DGKI: variants seen among roughly 807,000 people sequenced by gnomAD.
DGKI encodes DAG kinase iota.
DGKI carries 55 observed loss-of-function variants against 147.5 expected under a neutral mutation model. The observed-to-expected ratio is 0.37, with a 90% confidence interval of 0.30 to 0.47. The LOEUF is 0.47. Ranked by LOEUF, DGKI falls within the 20% of genes least tolerant of loss-of-function variation. The pLI, the probability that DGKI is intolerant of heterozygous loss-of-function variation, is 1.00. For synonymous variants in DGKI, 469 were observed against 477.1 expected (o/e 0.98, Z 0.22); for missense variants, 1,007 against 1,323.8 (o/e 0.76, Z 3.71).
At chr7:137,790,856 A>T (rs755428985) in intron 1 of DGKI, among the ~76,000 whole-genome samples, 11 of 152,240 alleles carry the variant, frequency 7.2e-5, no homozygotes, top group Non-Finnish European at 1.6e-4. Context: ...CTACAGAATA[A>T]GAATTCAATT....
At chr7:137,514,790 A>G (rs761790697) in intron 21 of DGKI, among the ~76,000 whole-genome samples, 1 of 152,064 alleles carries the variant, frequency 6.6e-6, no homozygotes, top group African/African-American at 2.4e-5. Context: ...TCTCATTCCT[A>G]TTGCCTGTCA....
chr7:137,438,026 C>T (rs967946528), intron 28 of DGKI, among the ~76,000 whole-genome samples: 1 of 151,916 alleles, frequency 6.6e-6, no homozygotes, highest in Non-Finnish European at 1.5e-5. Context: ...TGAAAGATTT[C>T]TTTAAAAAAT....
chr7:137,427,332 A>T (rs1025222114), intron 28 of DGKI, among the ~76,000 whole-genome samples: 6 of 152,220 alleles, frequency 3.9e-5, no homozygotes, highest in Non-Finnish European at 7.3e-5. Flanking sequence ...GGCAGAAATA[A>T]AGATGTTCTA....
At chr7:137,823,034 G>T (rs1419203673) in intron 1 of DGKI, among the ~76,000 whole-genome samples, 1 of 151,384 alleles carries the variant, frequency 6.6e-6, no homozygotes, top group African/African-American at 2.4e-5. Context: ...GGTAAATTGG[G>T]GAGGAGGAAA....
At chr7:137,647,154 T>TA (rs1183157381) in intron 5 of DGKI, among the ~76,000 whole-genome samples, 2 of 152,212 alleles carry the variant, frequency 1.3e-5, no homozygotes, top group African/African-American at 4.8e-5. Flanking sequence ...CCATGCGCTT[T>TA]AAAAAATATT....
intron 23 of DGKI, among the ~76,000 whole-genome samples, chr7:137,472,358 A>AT (rs1814990492): frequency 8.4e-6 from 1 of 119,156 alleles, no homozygotes; most frequent in Non-Finnish European, 1.6e-5. Context: ...TTATATGTAT[A>AT]TATACATATA....
At chr7:137,458,019 G>T (rs1814273769) in intron 27 of DGKI, among the ~76,000 whole-genome samples, 1 of 151,784 alleles carries the variant, frequency 6.6e-6, no homozygotes, top group South Asian at 2.1e-4. Flanking sequence ...TTTAATAATT[G>T]GTTTAATATT....
At chr7:137,500,372 AG>A (rs2128942101) in intron 21 of DGKI, among the ~76,000 whole-genome samples, 1 of 152,286 alleles carries the variant, frequency 6.6e-6, no homozygotes, top group East Asian at 1.9e-4. Context: ...AAATGCCCAC[AG>A]GTCACACTAA....
intron 21 of DGKI, among the ~76,000 whole-genome samples, chr7:137,517,278 A>AG (rs1585190586): frequency 2.9e-4 from 27 of 94,286 alleles, no homozygotes; most frequent in East Asian, 5.5e-4. Flanking sequence ...GAAAGAAAAG[A>AG]AAAAGAAAGA....
At chr7:137,411,382 C>A (rs990401778) in intron 29 of DGKI, among the ~76,000 whole-genome samples, 2 of 152,306 alleles carry the variant, frequency 1.3e-5, no homozygotes, top group Non-Finnish European at 2.9e-5. Context: ...CACAGATCTA[C>A]ACTATCAGAA....
At chr7:137,420,798 C>T (rs1328446288) in intron 28 of DGKI, among the ~76,000 whole-genome samples, 1 of 152,138 alleles carries the variant, frequency 6.6e-6, no homozygotes, top group Non-Finnish European at 1.5e-5. Flanking sequence ...GCAGGTGAAT[C>T]ACCTGAGGTC....
chr7:137,478,509 T>C (rs2128932544), intron 23 of DGKI, among the ~76,000 whole-genome samples: 1 of 152,312 alleles, frequency 6.6e-6, no homozygotes, highest in South Asian at 2.1e-4. Flanking sequence ...TTTCTCTAAT[T>C]AGTGTTTAAA....
chr7:137,423,860 A>T (rs1367849069), intron 28 of DGKI, among the ~76,000 whole-genome samples: 3 of 152,178 alleles, frequency 2.0e-5, no homozygotes, highest in Non-Finnish European at 4.4e-5. Flanking sequence ...GATTATTTGC[A>T]TTATTTATTT....
intron 1 of DGKI, among the ~76,000 whole-genome samples, chr7:137,695,169 G>C (rs1563154419): frequency 6.6e-6 from 1 of 152,216 alleles, no homozygotes; most frequent in Non-Finnish European, 1.5e-5. Flanking sequence ...GTTTAAGAAT[G>C]AGTCCATTCA....
chr7:137,456,663 A>G (rs936975004), intron 27 of DGKI, among the ~76,000 whole-genome samples: 15 of 152,234 alleles, frequency 9.9e-5, no homozygotes, highest in Admixed American at 5.2e-4. Flanking sequence ...ATGTAAAAAG[A>G]GAGCCACTTA....
At chr7:137,564,052 T>C (rs1200654738) in intron 19 of DGKI, among the ~76,000 whole-genome samples, 5 of 152,126 alleles carry the variant, frequency 3.3e-5, no homozygotes, top group Admixed American at 3.3e-4. Flanking sequence ...CAGTGTGGTA[T>C]TGGCAATGAG....
intron 1 of DGKI, among the ~76,000 whole-genome samples, chr7:137,764,587 C>T (rs1267975694): frequency 6.6e-6 from 1 of 152,178 alleles, no homozygotes; most frequent in African/African-American, 2.4e-5. Flanking sequence ...CACTCACCAC[C>T]CCAAAAGGCA....
intron 23 of DGKI, among the ~76,000 whole-genome samples, chr7:137,473,714 T>C (rs960433269): frequency 6.6e-6 from 1 of 152,168 alleles, no homozygotes; most frequent in Non-Finnish European, 1.5e-5. Flanking sequence ...AATTTTTACA[T>C]GGAAAGACTC....
chr7:137,688,586 T>C (rs997098023), intron 2 of DGKI, among the ~76,000 whole-genome samples: 3 of 152,244 alleles, frequency 2.0e-5, no homozygotes, highest in Non-Finnish European at 4.4e-5. Context: ...GCCCTGCTGC[T>C]GCAGACTACA....
Sources: gnomAD v4.1 joint callset for allele counts (sites outside exome capture counted in the v4.1 genomes callset) on GRCh38, gnomAD v4.1.1 for gene constraint, MANE v1.5 for transcripts, NCBI Gene and HGNC (gene_info 2026-07-23, HGNC 2026-07-21) for gene names.